ZNF808: variants seen among roughly 807,000 people sequenced by gnomAD.
The protein encoded by ZNF808 is zinc finger protein 808.
A neutral mutation model predicts 8.7 loss-of-function variants in ZNF808; 5 were observed. The observed-to-expected ratio is 0.58, with a 90% CI of 0.30 to 1.21. The LOEUF (loss-of-function observed/expected upper bound fraction) is 1.21, where lower values mean the gene tolerates loss of function less well. Ranked by LOEUF, ZNF808 falls within the 50% of genes most tolerant of loss-of-function variation. The pLI is 0.07. For missense variants in ZNF808, 1,103 were observed against 1,098.4 expected (o/e 1.00, Z -0.06); for synonymous variants, 380 against 366.0 (o/e 1.04, Z -0.44).
chr19:52,536,773 C>T (rs1382091748), intron 2 of ZNF808, among the ~76,000 whole-genome samples: 1 of 151,918 alleles, frequency 6.6e-6, no homozygotes, highest in Non-Finnish European at 1.5e-5. Context: ...AGAGTGGGGA[C>T]AGGGGGGCGT....
downstream of ZNF808, among the ~76,000 whole-genome samples, chr19:52,558,997 C>T (rs184453377): frequency 2.2e-3 from 335 of 152,304 alleles, 2 homozygotes; most frequent in Non-Finnish European, 5.0e-4. Context: ...TGCGAAAGGC[C>T]GCAGGAACCT....
intron 2 of ZNF808, among the ~76,000 whole-genome samples, chr19:52,539,455 C>G (rs1288748775): frequency 1.3e-5 from 2 of 150,984 alleles, no homozygotes; most frequent in South Asian, 4.2e-4. Flanking sequence ...TCCCAAAGTG[C>G]TATGATTACA....
At chr19:52,533,300 C>T (rs1215287443) in intron 2 of ZNF808, among the ~76,000 whole-genome samples, 3 of 152,032 alleles carry the variant, frequency 2.0e-5, no homozygotes, top group Non-Finnish European at 4.4e-5. Flanking sequence ...GATCTCGGCT[C>T]ACTGCAATTT....
intron 3 of ZNF808, among the ~76,000 whole-genome samples, chr19:52,562,329 G>T (rs778785409): frequency 6.6e-6 from 1 of 152,104 alleles, no homozygotes; most frequent in Non-Finnish European, 1.5e-5. Context: ...AGTGAGCCAA[G>T]ATCATGCCAT....
intron 2 of ZNF808, chr19:52,535,881 C>T (rs1226116740): frequency 6.6e-6 from 1 of 152,240 alleles, no homozygotes; most frequent in African/African-American, 2.4e-5. Flanking sequence ...CGCCCCGGCC[C>T]CGCCCTCTGT....
rs200197767 is a variant in ZNF808, at chr19:52,553,302, C to T, written c.386C>T (p.Thr129Met). ...GAAAGAAATGGCCATGAAGCACCCA[C>T]GACAAAAATAAAAAAGTTGACTGGT... ...EDERNGHEAP[T>M]TKIKKLTGST... is the part of the protein sequence containing the mutation. The change falls in exon 5 of 5, where the codon ACG (threonine) becomes ATG (methionine). Residue 129 changes from threonine to methionine, a missense_variant. Physicochemically the swap from Thr to Met is moderately conservative, Grantham distance 81 (BLOSUM62 -1). Coordinates refer to ENST00000359798, the MANE Select transcript of ZNF808 (RefSeq NM_001039886.4). The T allele has an allele frequency of 6.4e-4, 1,026 of 1,613,518 alleles. 1 individual carries two copies. The highest frequency in any genetic ancestry group is 7.8e-4 in the Non-Finnish European group (915 of 1,179,816).
chr19:52,538,829 GTGATGACA>G (rs2059639930), intron 2 of ZNF808, among the ~76,000 whole-genome samples: 1 of 152,152 alleles, frequency 6.6e-6, no homozygotes, highest in African/African-American at 2.4e-5. Context: ...TGATGATGAA[GTGATGACA>G]TGTTGTTTTC....
At chr19:52,549,375 TTGTG>T (rs2059753586) in intron 4 of ZNF808, among the ~76,000 whole-genome samples, 1 of 151,154 alleles carries the variant, frequency 6.6e-6, no homozygotes, top group Non-Finnish European at 1.5e-5. Context: ...ACTTGTTTGT[TTGTG>T]TGTATGCCTT....
At chr19:52,558,164 C>A (rs1268631539), downstream of ZNF808, among the ~76,000 whole-genome samples, 1 of 149,140 alleles carries the variant, frequency 6.7e-6, no homozygotes, top group East Asian at 2.0e-4. Context: ...CGGCTCACTG[C>A]AAGCTCCGCC....
chr19:52,561,222 A>G (rs867577723), downstream of ZNF808, among the ~76,000 whole-genome samples: 2 of 119,194 alleles, frequency 1.7e-5, 1 homozygote, highest in African/African-American at 6.4e-5. Flanking sequence ...CTATATATAT[A>G]TATATATATA....
intron 2 of ZNF808, among the ~76,000 whole-genome samples, chr19:52,537,642 C>G (rs1257851359): frequency 6.7e-6 from 1 of 149,516 alleles, no homozygotes; most frequent in Non-Finnish European, 1.5e-5. Context: ...GAGCAGAGAT[C>G]ATGCCACTGT....
In ZNF808 at chr19:52,553,136, G is replaced by T. The variant is rs755672489; in HGVS notation, c.220G>T (p.Val74Phe). The T allele has an allele frequency of 6.4e-7, 1 of 1,571,400 alleles. No homozygotes were observed. Among genetic ancestry groups the T allele is most frequent in the Non-Finnish European group, 8.6e-7 (1 of 1,163,534 alleles). ...DISSKHMMKE[V>F]LSTGQGNREV... is the part of the protein sequence containing the mutation. ...CTCTTCCAAACACATGATGAAGGAG[G>T]TCTTGTCAACAGGGCAAGGCAATAG... Residue 74 changes from valine to phenylalanine, a missense_variant, in exon 5 of 5, where the codon GTC becomes TTC. Transcript: ENST00000359798.
intron 3 of ZNF808, among the ~76,000 whole-genome samples, chr19:52,562,463 C>G (rs2059861136): frequency 6.6e-6 from 1 of 152,202 alleles, no homozygotes; most frequent in Non-Finnish European, 1.5e-5. Flanking sequence ...ACCAAATTCT[C>G]TCAAAGGCCC....
intron 4 of ZNF808, among the ~76,000 whole-genome samples, chr19:52,550,672 G>A (rs1328833219): frequency 1.3e-5 from 2 of 151,938 alleles, no homozygotes; most frequent in Admixed American, 1.3e-4. Flanking sequence ...ATTATGCCTG[G>A]CACAAGCCTG....
chr19:52,528,150 C>T (rs1330063402), intron 1 of ZNF808, among the ~76,000 whole-genome samples: 1 of 152,120 alleles, frequency 6.6e-6, no homozygotes, highest in Non-Finnish European at 1.5e-5. Flanking sequence ...ATCCTTCTCC[C>T]AAGGCGCCGT....
chr19:52,539,655 G>A (rs1201515481), intron 2 of ZNF808, among the ~76,000 whole-genome samples: 1 of 141,106 alleles, frequency 7.1e-6, no homozygotes, highest in African/African-American at 2.6e-5. Flanking sequence ...TGGGGTTCAA[G>A]TGATTCTCCT....
chr19:52,544,254 A>G (rs372725649), intron 3 of ZNF808, among the ~76,000 whole-genome samples: 14 of 152,170 alleles, frequency 9.2e-5, no homozygotes, highest in African/African-American at 3.4e-4. Context: ...CAAACTCCTG[A>G]GCTCAACTAA....
At chr19:52,547,739 G>GGTTTT (rs1491196956) in intron 4 of ZNF808, 101 bp downstream of exon 4, 16 of 1,011,996 alleles carry the variant, frequency 1.6e-5, no homozygotes, top group African/African-American at 1.1e-4. Context: ...ATCCATGCTG[G>GGTTTT]TTTTTTTTTT....
At chr19:52,537,955 T>G (rs1362552562) in intron 2 of ZNF808, among the ~76,000 whole-genome samples, 1 of 147,368 alleles carries the variant, frequency 6.8e-6, no homozygotes, top group African/African-American at 2.5e-5. Context: ...CCTTTTCCCA[T>G]GGTGGGGTAG....
Sources: gnomAD v4.1 joint callset for allele counts (sites outside exome capture counted in the v4.1 genomes callset) on GRCh38, gnomAD v4.1.1 for gene constraint, MANE v1.5 for transcripts, NCBI Gene and HGNC (gene_info 2026-07-23, HGNC 2026-07-21) for gene names.